DYNC1H1: variants seen among roughly 807,000 people sequenced by gnomAD.
The protein encoded by DYNC1H1 is cytoplasmic dynein 1 heavy chain 1.
A neutral mutation model predicts 527.1 loss-of-function variants in DYNC1H1; 51 were observed. The observed-to-expected ratio is 0.10, with a 90% CI of 0.08 to 0.12. The LOEUF (loss-of-function observed/expected upper bound fraction) is 0.12, where lower values mean the gene tolerates loss of function less well. Among genes scored for constraint, DYNC1H1 ranks in the 10% least tolerant of loss-of-function variants. The pLI is 1.00. For missense variants in DYNC1H1, 2,771 were observed against 5,971.8 expected (o/e 0.46, Z 17.66); for synonymous variants, 2,189 against 2,278.8 (o/e 0.96, Z 1.12).
At position 102,011,012 on chromosome 14, in the gene DYNC1H1, G is replaced by T; in HGVS notation, c.6618+60G>T. On this transcript the variant is annotated intron_variant, in intron 32 of 77. Coordinates refer to ENST00000360184, the MANE Select transcript of DYNC1H1 (RefSeq NM_001376.5). This position sits in a 1 kb window ranked among gnomAD's most constrained non-coding sequence, Gnocchi z 5.3. ...CAGACCCTGCTGGCTTTAGTGTCTGGTAATGACAACCGTGGGCCCTTCGAT... is the reference window on the plus strand; with the variant it reads ...CAGACCCTGCTGGCTTTAGTGTCTGTTAATGACAACCGTGGGCCCTTCGAT... The T allele has an allele frequency of 1.3e-6, 2 of 1,568,430 alleles. No individual in the cohort carries two copies. Among genetic ancestry groups the T allele is most frequent in the South Asian group, 2.2e-5 (2 of 89,846 alleles).
intron 2 of DYNC1H1, among the ~76,000 whole-genome samples, chr14:101,977,948 G>A (rs974701161): frequency 6.6e-6 from 1 of 152,226 alleles, no homozygotes; most frequent in Non-Finnish European, 1.5e-5. Context: ...GTGCAGTGGG[G>A]CAATCTTAGC....
At chr14:102,007,681 C>T (rs935721641) in intron 28 of DYNC1H1, among the ~76,000 whole-genome samples, 1 of 152,080 alleles carries the variant, frequency 6.6e-6, no homozygotes, top group African/African-American at 2.4e-5. Flanking sequence ...ATGTGACTTG[C>T]CCAAGGCCAA....
In DYNC1H1 at chr14:101,986,688, G is replaced by A. The variant is rs764740993; in HGVS notation, c.2463G>A (p.Ala821=). 2.8e-5 allele frequency: 46 copies of A among 1,614,062 alleles called. No individual in the cohort carries two copies. The highest frequency in any genetic ancestry group is 6.6e-5 in the South Asian group (6 of 91,084). The change falls in exon 8 of 78, where the codon GCG becomes GCA. Residue 821 remains alanine (A), a synonymous_variant. Coordinates refer to ENST00000360184, the MANE Select transcript of DYNC1H1 (RefSeq NM_001376.5). The surrounding 1 kb of genome is among the most constrained non-coding windows in gnomAD (Gnocchi z 8.7). The part of the protein sequence containing the change: ...EVQALIAEGI[A]LVWESYKLDP... ...AGGCCCTGATCGCAGAAGGCATTGC[G>A]TTGGTGTGGGAGTCCTACAAACTTG...
At chr14:101,992,099 T>C in intron 11 of DYNC1H1, among the ~76,000 whole-genome samples, 1 of 152,122 alleles carries the variant, frequency 6.6e-6, no homozygotes, top group East Asian at 1.9e-4. Flanking sequence ...GAAGCAAATC[T>C]CAGATATAAT....
intron 10 of DYNC1H1, among the ~76,000 whole-genome samples, chr14:101,989,622 G>A (rs1346282071): frequency 1.3e-5 from 2 of 152,204 alleles, no homozygotes; most frequent in African/African-American, 4.8e-5. Context: ...TGATCTGGGA[G>A]AAACAGTTGG....
At chr14:102,047,055 A>G (rs1407065797) in intron 72 of DYNC1H1, among the ~76,000 whole-genome samples, 1 of 151,834 alleles carries the variant, frequency 6.6e-6, no homozygotes, top group Non-Finnish European at 1.5e-5. Flanking sequence ...TCCGCCTCCC[A>G]CAGTGCTGGG....
Position 102,020,128 on chromosome 14 carries a change from G to A in DYNC1H1, c.8507+72G>A. The A allele has an allele frequency of 6.3e-7, 1 of 1,576,862 alleles. No individual in the cohort carries two copies. The highest frequency in any genetic ancestry group is 8.6e-7 in the Non-Finnish European group (1 of 1,159,858). On this transcript the variant is annotated intron_variant, in intron 42 of 77. Coordinates refer to ENST00000360184, the MANE Select transcript of DYNC1H1 (RefSeq NM_001376.5). This position sits in a 1 kb window ranked among gnomAD's most constrained non-coding sequence, Gnocchi z 4.3. Reference sequence around the variant, plus strand: ...AGTTCTTACAGCTGTCGAAGCTGGGGTCTTTGCAGGGGTGGTCTGCCTAAG... The same window carrying A: ...AGTTCTTACAGCTGTCGAAGCTGGGATCTTTGCAGGGGTGGTCTGCCTAAG...
rs141072319 is a variant in DYNC1H1, at chr14:102,029,246, A to C, written c.9469-293A>C. The C allele has an allele frequency of 8.6e-4, 383 of 444,670 alleles. 2 individuals carry two copies. Among genetic ancestry groups the C allele is most frequent in the African/African-American group, 7.0e-3 (354 of 50,400 alleles). 27.5% of individuals were successfully genotyped at this position (444,670 alleles called of 1,614,324 possible). ...ATAAAAGGTGGAAGCAGGCTAGCTA[A>C]CCTTTCTATAGTAACTGACATTTGT... On this transcript the variant is annotated intron_variant, in intron 48 of 77. Coordinates refer to ENST00000360184, the MANE Select transcript of DYNC1H1 (RefSeq NM_001376.5). The surrounding 1 kb of genome is among the most constrained non-coding windows in gnomAD (Gnocchi z 5.3).
chr14:101,990,638 G>A (rs1215353730), intron 10 of DYNC1H1, among the ~76,000 whole-genome samples: 3 of 152,174 alleles, frequency 2.0e-5, no homozygotes, highest in African/African-American at 7.2e-5. Flanking sequence ...ACTTTGGGAG[G>A]CCAAGGTGGG....
In DYNC1H1 at chr14:102,009,866, C is replaced by A; in HGVS notation, c.6001C>A (p.Leu2001Met). The A allele has an allele frequency of 6.2e-7, 1 of 1,614,046 alleles. No homozygotes were observed. Among genetic ancestry groups the A allele is most frequent in the Non-Finnish European group, 8.5e-7 (1 of 1,180,020 alleles). ...DKTSAPITCE[L>M]LNKQVKVSPD... is the part of the protein sequence containing the mutation. ...AGCCTCTGCCCCCATTACTTGTGAG[C>A]TGCTGAACAAACAAGTCAAGGTGAG... Residue 2001 changes from leucine to methionine, a missense_variant, in exon 30 of 78, where the codon CTG becomes ATG. Around this residue, in one of 32 missense-constraint regions of DYNC1H1, gnomAD observed 39 missense variants for 38.8 expected, o/e 1.00. Transcript: ENST00000360184.
rs905443465 is a variant in DYNC1H1 at position 102,041,700 on chromosome 14, A to T, written c.12068A>T (p.Gln4023Leu). Residue 4023 changes from glutamine to leucine, a missense_variant, in exon 65 of 78, where the codon CAG (glutamine) becomes CTG (leucine). Gln to Leu is a moderately radical substitution (Grantham distance 113). Coordinates refer to ENST00000360184, the MANE Select transcript of DYNC1H1 (RefSeq NM_001376.5). This position sits in a 1 kb window ranked among gnomAD's most constrained non-coding sequence, Gnocchi z 4.5. ...LGESFMSIME[Q>L]PLDLTHIVGT... ...GAGTCTTTCATGTCCATCATGGAGCAGCCGCTCGACCTGACCCACATTGTG... is the reference window on the plus strand; with the variant it reads ...GAGTCTTTCATGTCCATCATGGAGCTGCCGCTCGACCTGACCCACATTGTG... 6.2e-7 allele frequency: 1 copy of T among 1,614,052 alleles called. No homozygotes were observed. The highest frequency in any genetic ancestry group is 1.3e-5 in the African/African-American group (1 of 74,944).
chr14:102,045,534 C>G (rs2048706597), intron 72 of DYNC1H1, among the ~76,000 whole-genome samples: 1 of 151,952 alleles, frequency 6.6e-6, no homozygotes, highest in South Asian at 2.1e-4. Flanking sequence ...TCTCTTGAAC[C>G]CGGGAGGCAG....
rs2048142098 is a variant in DYNC1H1 at position 102,002,385 on chromosome 14, A to T, written c.4543-152A>T. ...CTCGGCCTCCCAAAATGCTGGGATT[A>T]CAGGCGTGAGCCACCACACCCGTCT... On this transcript the variant is annotated intron_variant, in intron 21 of 77. Coordinates refer to ENST00000360184, the MANE Select transcript of DYNC1H1 (RefSeq NM_001376.5). The surrounding 1 kb of genome is among the most constrained non-coding windows in gnomAD (Gnocchi z 4.4). The T allele has an allele frequency of 2.9e-6, 3 of 1,046,084 alleles. No individual in the cohort carries two copies. The highest frequency in any genetic ancestry group is 4.3e-6 in the Non-Finnish European group (3 of 697,882). The allele number at this position is 1,046,084 out of a possible 1,614,324, so 64.8% of individuals were successfully genotyped here.
Position 101,995,173 on chromosome 14 carries a change from C to T in DYNC1H1, c.3445-8C>T. 1 of 1,614,268 alleles carries T rather than the reference C, an allele frequency of 6.2e-7. No individual in the cohort carries two copies. The highest frequency in any genetic ancestry group is 8.5e-7 in the Non-Finnish European group (1 of 1,180,052). On this transcript the variant is annotated splice_region_variant and splice_polypyrimidine_tract_variant and intron_variant, in intron 14 of 77. Coordinates refer to ENST00000360184, the MANE Select transcript of DYNC1H1 (RefSeq NM_001376.5). ...TCTGTGATGAAATACTCCCCTCTCTCTGAACAGTCCCGCCAAGAGTTGGAG... is the reference window on the plus strand; with the variant it reads ...TCTGTGATGAAATACTCCCCTCTCTTTGAACAGTCCCGCCAAGAGTTGGAG...
At position 102,038,437 on chromosome 14, in the gene DYNC1H1, A is replaced by G. The variant is rs1379828556; in HGVS notation, c.10909-23A>G. The G allele has an allele frequency of 2.5e-6, 4 of 1,613,424 alleles. No individual in the cohort carries two copies. The highest frequency in any genetic ancestry group is 2.2e-5 in the East Asian group (1 of 44,886). ...TAAAGTTACAAAGCCCTGACCATCA[A>G]GTTCCACCCGTGTGGAATGCAGGAT... On this transcript the variant is annotated intron_variant, in intron 57 of 77. Coordinates refer to ENST00000360184, the MANE Select transcript of DYNC1H1 (RefSeq NM_001376.5). This position sits in a 1 kb window ranked among gnomAD's most constrained non-coding sequence, Gnocchi z 7.2.
intron 9 of DYNC1H1, among the ~76,000 whole-genome samples, 176 bp downstream of exon 9, chr14:101,987,808 C>T (rs369185190): frequency 2.6e-5 from 4 of 152,198 alleles, no homozygotes; most frequent in East Asian, 3.8e-4. Context: ...GGCACAGTGG[C>T]TCATCATGCC....
In DYNC1H1 at chr14:102,055,144, A is replaced by G. The variant is rs934167150; in HGVS notation, c.*4581A>G. ...GAGAAGCCCCCTCCTCTTCACTTCC[A>G]CCCTCTCTCTTCCACCCCTGGAAGT... On this transcript the variant is annotated 3_prime_UTR_variant, in exon 78 of 78. Transcript: ENST00000360184. The G allele has an allele frequency of 2.0e-5, 3 of 151,512 alleles. No individual in the cohort carries two copies. The highest frequency in any genetic ancestry group is 7.3e-5 in the African/African-American group (3 of 41,182). 9.4% of individuals were successfully genotyped at this position (151,512 alleles called of 1,614,324 possible).
At chr14:102,023,507 C>A in intron 43 of DYNC1H1, 1 of 176,032 alleles carries the variant, frequency 5.7e-6, no homozygotes, top group Non-Finnish European at 1.2e-5. Flanking sequence ...TGAGATCGCG[C>A]CATTGCACTG....
intron 29 of DYNC1H1, among the ~76,000 whole-genome samples, chr14:102,008,907 G>A (rs1428755582): frequency 6.6e-6 from 1 of 152,214 alleles, no homozygotes; most frequent in Non-Finnish European, 1.5e-5. Flanking sequence ...TCCTCAGCCA[G>A]CCAGATGCCC....
Sources: allele counts gnomAD v4.1 joint callset (sites outside exome capture counted in the v4.1 genomes callset), GRCh38; gene constraint gnomAD v4.1.1; regional missense constraint gnomAD v4.1.1; non-coding constraint Gnocchi (gnomAD v3.1); transcripts MANE v1.5; gene names NCBI Gene and HGNC (gene_info 2026-07-23, HGNC 2026-07-21).